The following NVL variants were observed in gnomAD, a reference collection of about 807,000 sequenced individuals.
The protein encoded by NVL is nuclear VCP like, also known as nuclear valosin-containing protein-like.
In NVL, 84 loss-of-function variants were observed where a neutral mutation model predicts 110.2. The ratio of observed to expected loss-of-function variants is 0.76; its 90% CI spans 0.64 to 0.91. The LOEUF is 0.91. NVL is among the 40% of genes least tolerant of loss of function. NVL has a pLI of 0.00. For missense variants in NVL, 882 were observed against 1,035.9 expected (o/e 0.85, Z 2.04); for synonymous variants, 354 against 361.1 (o/e 0.98, Z 0.22).
At chr1:224,251,181 G>A (rs1558255429) in intron 18 of NVL, among the ~76,000 whole-genome samples, 1 of 148,770 alleles carries the variant, frequency 6.7e-6, no homozygotes, top group East Asian at 2.0e-4. Context: ...GGCTGAGGCA[G>A]GAAAATTGCT....
chr1:224,264,941 G>A (rs1427398641), intron 18 of NVL, among the ~76,000 whole-genome samples: 1 of 151,808 alleles, frequency 6.6e-6, no homozygotes, highest in Non-Finnish European at 1.5e-5. Flanking sequence ...TAGAGACGGG[G>A]TTTCACCATG....
At chr1:224,313,179 A>AAAAAAG (rs1553335858) in intron 4 of NVL, 27 of 170,128 alleles carry the variant, frequency 1.6e-4, no homozygotes, top group Non-Finnish European at 1.7e-4. Context: ...AAAAAAAAAA[A>AAAAAAG]ACAAGCAAAT....
Position 224,326,421 on chromosome 1 carries a change from A to C in NVL, c.101T>G (p.Val34Gly), listed in dbSNP as rs201633430. Residue 34 changes from valine to glycine, a missense_variant, in exon 2 of 23, where the codon GTC (valine) becomes GGC (glycine). Val to Gly is a moderately radical substitution (Grantham distance 109). Around this residue, in one of 4 missense-constraint regions of NVL, gnomAD observed 274 missense variants for 268.4 expected, o/e 1.02. Transcript: ENST00000281701. ...CACTCTTTGTAAATCAGACGCTAAG[A>C]CTCCAATGTCCACATATTTGCCACA... is the stretch of plus-strand genomic sequence containing the variant. ...NKCGKYVDIG[V>G]LASDLQRVYS... 1.2e-6 allele frequency: 2 copies of C among 1,612,618 alleles called. No individual in the cohort carries two copies. The highest frequency in any genetic ancestry group is 1.7e-6 in the Non-Finnish European group (2 of 1,179,126).
rs774221127 is a variant in NVL, at chr1:224,305,046, G to A, written c.736C>T (p.Leu246=). 3 of 1,613,136 alleles carry A rather than the reference G, an allele frequency of 1.9e-6. No homozygotes were observed. The highest frequency in any genetic ancestry group is 2.5e-6 in the Non-Finnish European group (3 of 1,179,746). The change falls in exon 7 of 23, where the codon CTG becomes TTG. Residue 246 remains leucine (L), a synonymous_variant. Transcript: ENST00000281701. ...ACTCACACCTTACCTTTCTTTTGCA[G>A]GACAGCTTCAATTTCTCCATCTACT... The part of the protein sequence containing the change: ...QEVDGEIEAV[L]QKKAKARGLE...
intron 10 of NVL, among the ~76,000 whole-genome samples, chr1:224,299,173 C>A (rs1668161534): frequency 6.6e-6 from 1 of 152,130 alleles, no homozygotes. Flanking sequence ...CTTCCCTAAT[C>A]ATCCTTATGA....
In NVL at chr1:224,242,510, C is replaced by T. The variant is rs1332669970; in HGVS notation, c.2290-5928G>A. Among the ~76,000 whole-genome samples the T allele has an allele frequency of 8.3e-5, 9 of 108,832 alleles. No individual in the cohort carries two copies. In the East Asian group the frequency reaches 1.1e-3, roughly 14 times the overall value. 71.4% of individuals were successfully genotyped at this position (108,832 alleles called of 152,430 possible). On this transcript the variant is annotated intron_variant, in intron 19 of 22. Transcript: ENST00000281701. ...TTCTTTTTTTTTTTTTTTTTTGAGA[C>T]GGAGTCTCACTCTATGCCCAGGCTG...
chr1:224,253,307 C>A (rs1662727926), intron 18 of NVL, among the ~76,000 whole-genome samples: 1 of 151,848 alleles, frequency 6.6e-6, no homozygotes, highest in Non-Finnish European at 1.5e-5. Flanking sequence ...GCCTTAGCCT[C>A]CCGAAGTGCT....
chr1:224,281,361 C>T (rs968766693), intron 15 of NVL, among the ~76,000 whole-genome samples, 176 bp from the exon 16 acceptor site: 2 of 151,472 alleles, frequency 1.3e-5, no homozygotes, highest in African/African-American at 2.4e-5. Flanking sequence ...AGTGCAGTGG[C>T]GCGATCTCGG....
At chr1:224,314,349 T>C (rs982799970) in intron 4 of NVL, among the ~76,000 whole-genome samples, 9 of 152,150 alleles carry the variant, frequency 5.9e-5, no homozygotes, top group African/African-American at 2.2e-4. Flanking sequence ...ATGATAAATC[T>C]AAATGAAAAA....
intron 5 of NVL, among the ~76,000 whole-genome samples, chr1:224,309,063 CAAAAAAA>C (rs58611576): frequency 1.9e-5 from 2 of 103,102 alleles, no homozygotes; most frequent in Non-Finnish European, 4.1e-5. Flanking sequence ...TCTGTCTCAA[CAAAAAAA>C]AAAAAAAAAA....
At position 224,321,305 on chromosome 1, in the gene NVL, C is replaced by T. The variant is rs1054351095; in HGVS notation, c.132-3375G>A. 3.3e-5 allele frequency among the ~76,000 whole-genome samples: 5 copies of T among 152,104 alleles called. No individual in the cohort carries two copies. In the South Asian group the frequency reaches 6.2e-4, roughly 19 times the overall value. On this transcript the variant is annotated intron_variant, in intron 2 of 22. Coordinates refer to ENST00000281701, the MANE Select transcript of NVL (RefSeq NM_002533.4). ...AAAGAGAGAAAGAAAGACGTAAAAGCGATTCTTCACTCATGAGCCATACAA... is the reference window on the plus strand; with the variant it reads ...AAAGAGAGAAAGAAAGACGTAAAAGTGATTCTTCACTCATGAGCCATACAA...
At chr1:224,282,969 G>A (rs1464980939) in intron 15 of NVL, among the ~76,000 whole-genome samples, 1 of 152,094 alleles carries the variant, frequency 6.6e-6, no homozygotes, top group Admixed American at 6.6e-5. Flanking sequence ...GTTTATCCTA[G>A]GCCACACTTT....
chr1:224,293,243 G>A (rs1383969070), intron 12 of NVL, among the ~76,000 whole-genome samples: 1 of 150,974 alleles, frequency 6.6e-6, no homozygotes, highest in Non-Finnish European at 1.5e-5. Context: ...CTAATTTTTT[G>A]TATTTTTAGT....
At chr1:224,274,581 G>A (rs1420177244) in intron 17 of NVL, among the ~76,000 whole-genome samples, 3 of 151,870 alleles carry the variant, frequency 2.0e-5, no homozygotes, top group Admixed American at 1.3e-4. Context: ...AAGTTGCAGT[G>A]AGCCGAGATG....
chr1:224,306,538 A>C (rs561635865), intron 6 of NVL, among the ~76,000 whole-genome samples: 2 of 152,248 alleles, frequency 1.3e-5, no homozygotes, highest in Non-Finnish European at 2.9e-5. Flanking sequence ...AGTGCTGGGA[A>C]TACAGGTGTG....
Position 224,287,319 on chromosome 1 carries a change from ATAGT to A in NVL, c.1794+452_1794+455del, listed in dbSNP as rs544639397. 1.1e-4 allele frequency among the ~76,000 whole-genome samples: 16 copies of A among 152,324 alleles called. 1 individual carries two copies. The East Asian group carries it at 2.3e-3, about 22-fold the overall frequency. On this transcript the variant is annotated intron_variant, in intron 14 of 22. Coordinates refer to ENST00000281701, the MANE Select transcript of NVL (RefSeq NM_002533.4). The stretch of plus-strand genomic sequence containing the variant: ...AGAAGTTGGTTAACGGGTAAAAAAA[ATAGT>A]TAGATAGGAGTAATAAGTTCTGGTA...
intron 18 of NVL, among the ~76,000 whole-genome samples, chr1:224,260,699 CTTTTTTTTTT>C (rs940200696): frequency 7.9e-6 from 1 of 126,338 alleles, no homozygotes; most frequent in Non-Finnish European, 1.6e-5. Context: ...TCTTCTTTTC[CTTTTTTTTTT>C]TTTTTTTTTT....
At position 224,330,119 on chromosome 1, in the gene NVL, G is replaced by C. The variant is rs1182655188; in HGVS notation, c.9C>G (p.Pro3=). MK[P]RPAGFVDNKL... ...TATTATCCACGAACCCTGCAGGTCTGGGCTTCATCGCGTCGGTCTTCCAAG... is the reference window on the plus strand; with the variant it reads ...TATTATCCACGAACCCTGCAGGTCTCGGCTTCATCGCGTCGGTCTTCCAAG... The change falls in exon 1 of 23, where the codon CCC becomes CCG. Residue 3 remains proline, a synonymous_variant. Transcript: ENST00000281701. 9 of 1,613,930 alleles carry C rather than the reference G, an allele frequency of 5.6e-6. No homozygotes were observed. Among genetic ancestry groups the C allele is most frequent in the East Asian group, 4.5e-5 (2 of 44,874 alleles).
intron 4 of NVL, chr1:224,313,073 C>G: frequency 2.6e-6 from 1 of 388,478 alleles, no homozygotes; most frequent in South Asian, 1.8e-5. Flanking sequence ...GTGGGAGGAT[C>G]GCTTGGGCCT....
Sources: allele counts gnomAD v4.1 joint callset (sites outside exome capture counted in the v4.1 genomes callset), GRCh38; gene constraint gnomAD v4.1.1; regional missense constraint gnomAD v4.1.1; transcripts MANE v1.5; gene names NCBI Gene and HGNC (gene_info 2026-07-23, HGNC 2026-07-21).